Variants in SMCO4 observed in about 807,000 individuals in gnomAD.
The protein encoded by SMCO4 is single-pass membrane protein with coiled-coil domains 4, also known as single-pass membrane and coiled-coil domain-containing protein 4.
SMCO4 carries 4 observed loss-of-function variants against 3.6 expected under a neutral mutation model. That is an observed-to-expected ratio of 1.11 (90% CI 0.54 to 2.53). The LOEUF is 2.53. SMCO4 is among the 30% of genes most tolerant of loss of function. The pLI, the probability that SMCO4 is intolerant of heterozygous loss-of-function variation, is 0.02. For missense variants in SMCO4, 70 were observed against 80.8 expected (o/e 0.87, Z 0.51); for synonymous variants, 36 against 35.3 (o/e 1.02, Z -0.07).
chr11:93,525,535 C>G (rs985167511), intron 1 of SMCO4, among the ~76,000 whole-genome samples: 6 of 152,228 alleles, frequency 3.9e-5, no homozygotes, highest in East Asian at 3.9e-4. Flanking sequence ...CCACTCCCCC[C>G]ATTCCTAAAG....
chr11:93,530,584 T>G (rs1021784678), intron 1 of SMCO4, among the ~76,000 whole-genome samples: 16 of 152,238 alleles, frequency 1.1e-4, no homozygotes, highest in African/African-American at 3.6e-4. Flanking sequence ...GTGGCTCCCA[T>G]CTTACTAGAA....
At chr11:93,486,691 C>G (rs546797925) in intron 2 of SMCO4, among the ~76,000 whole-genome samples, 1 of 152,256 alleles carries the variant, frequency 6.6e-6, no homozygotes, top group South Asian at 2.1e-4. Flanking sequence ...AAGGATGTCA[C>G]AGGCTGTTGA....
intron 1 of SMCO4, among the ~76,000 whole-genome samples, chr11:93,528,851 T>A (rs1367475859): frequency 1.3e-5 from 2 of 152,158 alleles, no homozygotes; most frequent in East Asian, 3.9e-4. Flanking sequence ...CTAAGTGAAA[T>A]CACAGCATGC....
chr11:93,508,307 A>C (rs919501785), intron 1 of SMCO4, among the ~76,000 whole-genome samples: 9 of 152,160 alleles, frequency 5.9e-5, no homozygotes, highest in Admixed American at 6.5e-5. Flanking sequence ...GCTGAGTACG[A>C]AAATGGTATG....
At chr11:93,519,298 A>C (rs1949036649) in intron 1 of SMCO4, among the ~76,000 whole-genome samples, 1 of 152,246 alleles carries the variant, frequency 6.6e-6, no homozygotes, top group Non-Finnish European at 1.5e-5. Context: ...AAGAAAAGTT[A>C]TCTGAAGAAC....
intron 1 of SMCO4, among the ~76,000 whole-genome samples, chr11:93,509,818 T>TG (rs911615739): frequency 6.6e-6 from 1 of 151,932 alleles, no homozygotes; most frequent in African/African-American, 2.4e-5. Flanking sequence ...GGGGACTTGG[T>TG]GGGGAAAGGA....
chr11:93,505,487 T>C (rs1218382505), intron 1 of SMCO4, among the ~76,000 whole-genome samples: 10 of 152,214 alleles, frequency 6.6e-5, no homozygotes, highest in Admixed American at 5.2e-4. Flanking sequence ...ATATAGGTCA[T>C]CAGTTTCCTC....
rs1038736506 is a variant in SMCO4, at chr11:93,478,843, C to T, written c.*167G>A. 28 of 1,422,030 alleles carry T rather than the reference C, an allele frequency of 2.0e-5. No individual in the cohort carries two copies. Among genetic ancestry groups the T allele is most frequent in the African/African-American group, 2.9e-5 (2 of 69,506 alleles). The allele number at this position is 1,422,030 out of a possible 1,614,324, so 88.1% of individuals were successfully genotyped here. A position where few individuals can be genotyped will look rare whatever the true frequency, so the allele number is the denominator to read the frequency against. ...TGATAAAACATCCCCTATTCCCTCC[C>T]AAGAAAGCGGAGATACTTTAATCAA... On this transcript the variant is annotated 3_prime_UTR_variant, in exon 3 of 3. Coordinates refer to ENST00000298966, the MANE Select transcript of SMCO4 (RefSeq NM_020179.3).
intron 1 of SMCO4, among the ~76,000 whole-genome samples, chr11:93,500,245 T>A (rs1948821788): frequency 1.3e-5 from 2 of 152,236 alleles, no homozygotes; most frequent in African/African-American, 4.8e-5. Context: ...CTTGCCTGGC[T>A]TATGTATGTG....
intron 1 of SMCO4, among the ~76,000 whole-genome samples, chr11:93,524,850 G>A (rs573760919): frequency 6.6e-6 from 1 of 152,196 alleles, no homozygotes; most frequent in Admixed American, 6.5e-5. Context: ...CTTGGGCAAG[G>A]ACCCACAGAA....
At chr11:93,483,080 T>C (rs1009288937) in intron 2 of SMCO4, among the ~76,000 whole-genome samples, 1 of 151,506 alleles carries the variant, frequency 6.6e-6, no homozygotes, top group Non-Finnish European at 1.5e-5. Flanking sequence ...CAAGAGGAGG[T>C]AGGAAGATGG....
intron 2 of SMCO4, among the ~76,000 whole-genome samples, chr11:93,495,107 A>C (rs1271565590): frequency 1.3e-5 from 2 of 151,916 alleles, no homozygotes. Context: ...CTTGGCAAAA[A>C]AGTAACAAGC....
the SMCO4 span, among the ~76,000 whole-genome samples, chr11:93,552,486 T>TA: frequency 1.4e-5 from 2 of 144,550 alleles, no homozygotes; most frequent in Admixed American, 7.0e-5. Flanking sequence ...TTATTATTAT[T>TA]TTTGAGACAG....
intron 2 of SMCO4, among the ~76,000 whole-genome samples, chr11:93,482,795 C>T (rs1322860636): frequency 6.6e-6 from 1 of 152,178 alleles, no homozygotes; most frequent in Admixed American, 6.5e-5. Flanking sequence ...CTCTGTCTTC[C>T]GGTAGCTTGT....
At chr11:93,533,166 G>A (rs1565389446) in intron 1 of SMCO4, among the ~76,000 whole-genome samples, 1 of 152,190 alleles carries the variant, frequency 6.6e-6, no homozygotes, top group Non-Finnish European at 1.5e-5. Context: ...CAGTCCCCAG[G>A]AGAGCTGCTC....
chr11:93,482,674 G>T (rs183635577), intron 2 of SMCO4, among the ~76,000 whole-genome samples: 17 of 152,316 alleles, frequency 1.1e-4, no homozygotes, highest in Admixed American at 3.9e-4. Context: ...AGGCATTTGT[G>T]CCAGAACATA....
chr11:93,514,379 T>TAC (rs1341032171), intron 1 of SMCO4, among the ~76,000 whole-genome samples: 137 of 7,548 alleles, frequency 0.018, no homozygotes, highest in African/African-American at 0.07. Context: ...TGAGGCTATA[T>TAC]ATATATATAT....
chr11:93,524,670 T>G (rs903755805), intron 1 of SMCO4, among the ~76,000 whole-genome samples: 4 of 151,800 alleles, frequency 2.6e-5, no homozygotes, highest in Admixed American at 2.6e-4. Flanking sequence ...AAACACACAC[T>G]CCCCGCTACA....
chr11:93,542,110 A>AG (rs1555080841), intron 1 of SMCO4, among the ~76,000 whole-genome samples: 15,532 of 40,492 alleles, frequency 0.38, 998 homozygotes, highest in Non-Finnish European at 0.48. Context: ...TTATTTGTAA[A>AG]GGGGAAAAAA....
Sources: gnomAD v4.1 joint callset for allele counts (sites outside exome capture counted in the v4.1 genomes callset) on GRCh38, gnomAD v4.1.1 for gene constraint, MANE v1.5 for transcripts, NCBI Gene and HGNC (gene_info 2026-07-23, HGNC 2026-07-21) for gene names.